INSC: variants seen among roughly 807,000 people sequenced by gnomAD.
The protein encoded by INSC is protein inscuteable homolog.
Under a neutral mutation model 58.6 loss-of-function variants are expected in INSC, and 67 were observed. The observed-to-expected ratio is 1.14, with a 90% CI of 0.94 to 1.40. INSC has a LOEUF of 1.40. Among genes scored for constraint, INSC ranks in the 40% most tolerant of loss-of-function variants. The pLI, the probability that INSC is intolerant of heterozygous loss-of-function variation, is 0.00. For synonymous variants in INSC, 262 were observed against 276.1 expected (o/e 0.95, Z 0.51); for missense variants, 714 against 692.0 (o/e 1.03, Z -0.36).
chr11:15,221,685 G>A (rs1355553063), intron 8 of INSC, 37 bp downstream of exon 8: 3 of 1,569,018 alleles, frequency 1.9e-6, no homozygotes, highest in African/African-American at 1.4e-5. Context: ...CTAGGAGAGA[G>A]GGCCTTGGCA....
At chr11:15,217,716 A>C (rs1406257626) in intron 7 of INSC, among the ~76,000 whole-genome samples, 1 of 152,226 alleles carries the variant, frequency 6.6e-6, no homozygotes, top group African/African-American at 2.4e-5. Flanking sequence ...CAGGCAATTT[A>C]TAGTAGAGGA....
At chr11:15,261,239 T>TC in the INSC span, among the ~76,000 whole-genome samples, 7 of 152,178 alleles carry the variant, frequency 4.6e-5, no homozygotes, top group Non-Finnish European at 8.8e-5. Context: ...CAGGTTTTTT[T>TC]CTGCCATATT....
chr11:15,165,883 A>G (rs545946562), intron 2 of INSC, among the ~76,000 whole-genome samples: 33 of 151,910 alleles, frequency 2.2e-4, no homozygotes, highest in Middle Eastern at 6.8e-3. Context: ...GTGGTGGGGG[A>G]ACATATGTTA....
chr11:15,142,528 C>T (rs1848395142), intron 1 of INSC, among the ~76,000 whole-genome samples: 2 of 152,238 alleles, frequency 1.3e-5, no homozygotes, highest in Admixed American at 6.5e-5. Context: ...CACCACCTTC[C>T]ATTCTGATCT....
chr11:15,161,472 G>T (rs1442324142), intron 2 of INSC, among the ~76,000 whole-genome samples: 1 of 152,288 alleles, frequency 6.6e-6, no homozygotes, highest in Admixed American at 6.5e-5. Flanking sequence ...CTAGTGCATG[G>T]AGACAGGAGA....
chr11:15,221,556 T>G lies in INSC; in HGVS notation c.899T>G (p.Val300Gly), dbSNP rs370217546. 6.2e-7 allele frequency: 1 copy of G among 1,614,048 alleles called. No individual in the cohort carries two copies. The highest frequency in any genetic ancestry group is 8.5e-7 in the Non-Finnish European group (1 of 1,179,988). The change falls in exon 8 of 13, where the codon GTG (valine) becomes GGG (glycine). Residue 300 changes from valine to glycine, a missense_variant. Val to Gly is a moderately radical substitution (Grantham distance 109, BLOSUM62 -3). Coordinates refer to ENST00000379556, the MANE Select transcript of INSC (RefSeq NM_001042536.3). ...GCCACACGGGCTGAGGCTGCGGCTG[T>G]GGTGGCCCAGGTCACCTCCCCACAC... ...SEATRAEAAA[V>G]VAQVTSPHLP...
intron 2 of INSC, among the ~76,000 whole-genome samples, chr11:15,150,439 G>T (rs1364689411): frequency 6.6e-6 from 1 of 152,200 alleles, no homozygotes; most frequent in Admixed American, 6.5e-5. Context: ...ACTTCTTTCT[G>T]TTGTGTTCCA....
At chr11:15,125,638 G>A (rs922764667) in intron 1 of INSC, among the ~76,000 whole-genome samples, 1 of 152,028 alleles carries the variant, frequency 6.6e-6, no homozygotes, top group Non-Finnish European at 1.5e-5. Context: ...TCCTCTGTTC[G>A]ACCCACTTCC....
chr11:15,197,971 C>T (rs1850432569), intron 6 of INSC, among the ~76,000 whole-genome samples: 1 of 151,754 alleles, frequency 6.6e-6, no homozygotes, highest in Admixed American at 6.6e-5. Context: ...CTAGGTCAGG[C>T]CATTCCCAGC....
intron 2 of INSC, among the ~76,000 whole-genome samples, chr11:15,161,748 C>A (rs1219044318): frequency 6.6e-6 from 1 of 152,154 alleles, no homozygotes; most frequent in Non-Finnish European, 1.5e-5. Flanking sequence ...AGCCCCCATG[C>A]ACAGTAAGGC....
chr11:15,149,098 T>A (rs1714354), intron 1 of INSC, 32 bp from the exon 2 acceptor site: 3 of 1,544,506 alleles, frequency 1.9e-6, no homozygotes, highest in African/African-American at 1.4e-5. Flanking sequence ...TCTTTTAGGA[T>A]CTCGTTGTGC....
intron 1 of INSC, among the ~76,000 whole-genome samples, chr11:15,115,591 C>T (rs1847673143): frequency 6.6e-6 from 1 of 152,194 alleles, no homozygotes; most frequent in African/African-American, 2.4e-5. Flanking sequence ...CTAACCCCAT[C>T]TGGCTAGACC....
chr11:15,237,056 C>G (rs1358485994), intron 10 of INSC, among the ~76,000 whole-genome samples: 1 of 152,136 alleles, frequency 6.6e-6, no homozygotes, highest in Non-Finnish European at 1.5e-5. Context: ...TATCTGGCAT[C>G]TGTAGAGGGT....
the INSC span, among the ~76,000 whole-genome samples, chr11:15,257,752 C>T: frequency 1.4e-4 from 22 of 152,182 alleles, no homozygotes; most frequent in East Asian, 3.7e-3. Flanking sequence ...TTATGCCGCC[C>T]GGAGTCAAAG....
intron 7 of INSC, among the ~76,000 whole-genome samples, chr11:15,205,678 G>C (rs748054740): frequency 6.6e-6 from 1 of 152,098 alleles, no homozygotes; most frequent in African/African-American, 2.4e-5. Flanking sequence ...GGTGGTCCAG[G>C]GGGGATGAGT....
At chr11:15,157,878 T>A (rs1427769034) in intron 2 of INSC, among the ~76,000 whole-genome samples, 1 of 152,148 alleles carries the variant, frequency 6.6e-6, no homozygotes, top group Non-Finnish European at 1.5e-5. Context: ...TGACCCCCAC[T>A]TCTGCTGTGG....
intron 2 of INSC, among the ~76,000 whole-genome samples, chr11:15,158,239 C>T (rs1590375388): frequency 1.3e-5 from 2 of 151,730 alleles, no homozygotes; most frequent in East Asian, 3.9e-4. Context: ...AAATGCTTTT[C>T]GTGGCTCCAA....
chr11:15,141,112 G>A (rs1848360195), intron 1 of INSC, among the ~76,000 whole-genome samples: 1 of 152,006 alleles, frequency 6.6e-6, no homozygotes, highest in Non-Finnish European at 1.5e-5. Flanking sequence ...TTACTACAAG[G>A]GGGTAATCTC....
At chr11:15,213,938 G>A (rs534881855) in intron 7 of INSC, among the ~76,000 whole-genome samples, 2 of 152,204 alleles carry the variant, frequency 1.3e-5, no homozygotes, top group Non-Finnish European at 1.5e-5. Flanking sequence ...CTATCACCAC[G>A]CCATAAAACA....
Sources: allele counts gnomAD v4.1 joint callset (sites outside exome capture counted in the v4.1 genomes callset), GRCh38; gene constraint gnomAD v4.1.1; transcripts MANE v1.5; gene names NCBI Gene and HGNC (gene_info 2026-07-23, HGNC 2026-07-21).